The following TOLLIP variants were observed in gnomAD, a reference collection of about 807,000 sequenced individuals.
The protein encoded by TOLLIP is toll-interacting protein.
Under a neutral mutation model 33.5 loss-of-function variants are expected in TOLLIP, and 16 were observed. The ratio of observed to expected loss-of-function variants is 0.48; its 90% confidence interval spans 0.32 to 0.72. The LOEUF (loss-of-function observed/expected upper bound fraction) is 0.72, where lower values mean the gene tolerates loss of function less well. TOLLIP is among the 30% of genes least tolerant of loss of function. The pLI, the probability that TOLLIP is intolerant of heterozygous loss-of-function variation, is 0.03. For synonymous variants in TOLLIP, 176 were observed against 163.7 expected (o/e 1.07, Z -0.57); for missense variants, 325 against 396.6 (o/e 0.82, Z 1.53).
chr11:1,281,604 G>A (rs1019791730), intron 5 of TOLLIP, among the ~76,000 whole-genome samples: 12 of 152,256 alleles, frequency 7.9e-5, no homozygotes, highest in African/African-American at 2.9e-4. Context: ...TGAAGGGGCT[G>A]GCGAGAAGCA....
At chr11:1,301,627 A>G (rs529435647) in intron 1 of TOLLIP, among the ~76,000 whole-genome samples, 1 of 152,170 alleles carries the variant, frequency 6.6e-6, no homozygotes, top group African/African-American at 2.4e-5. Flanking sequence ...TATCACCCCC[A>G]CATTGAGAAC....
Position 1,278,698 on chromosome 11 carries a change from C to T in TOLLIP, c.611-1445G>A, listed in dbSNP as rs1422059777. ...GCCTCTTGTCCTGGCCACTGGACACCTCACCTCACTGGGGAAGCATCATCC... is the reference window on the plus strand; with the variant it reads ...GCCTCTTGTCCTGGCCACTGGACACTTCACCTCACTGGGGAAGCATCATCC... On this transcript the variant is annotated intron_variant, in intron 5 of 5. Transcript: ENST00000317204. The surrounding 1 kb of genome is among the most constrained non-coding windows in gnomAD (Gnocchi z 4.7). Among the ~76,000 whole-genome samples the T allele has an allele frequency of 1.3e-5, 2 of 152,240 alleles. No individual in the cohort carries two copies. The highest frequency in any genetic ancestry group is 1.3e-4 in the Admixed American group (2 of 15,290).
At position 1,283,435 on chromosome 11, in the gene TOLLIP, G is replaced by C. The variant is rs1427110142; in HGVS notation, c.610+2567C>G. On this transcript the variant is annotated intron_variant, in intron 5 of 5. Coordinates refer to ENST00000317204, the MANE Select transcript of TOLLIP (RefSeq NM_019009.4). ...AGCTTCATCTAGATGGCCGTACTGT[G>C]CCAGGGACGCCCCTGCTTATTGGAA... The C allele has an allele frequency of 7.1e-6, 3 of 421,810 alleles. No individual in the cohort carries two copies. In the East Asian group the frequency reaches 2.1e-4, roughly 30 times the overall value. 26.1% of individuals were successfully genotyped at this position (421,810 alleles called of 1,614,324 possible). A position where few individuals can be genotyped will look rare whatever the true frequency, so the allele number is the denominator to read the frequency against.
chr11:1,288,481 C>T (rs1863820347), intron 4 of TOLLIP, 143 bp downstream of exon 4: 4 of 1,037,712 alleles, frequency 3.9e-6, no homozygotes, highest in Admixed American at 5.8e-5. Flanking sequence ...GGGCCCCTGC[C>T]CTCTGTCCTC....
At chr11:1,307,997 C>G (rs1176980850) in intron 1 of TOLLIP, among the ~76,000 whole-genome samples, 1 of 152,206 alleles carries the variant, frequency 6.6e-6, no homozygotes, top group Non-Finnish European at 1.5e-5. Flanking sequence ...TCCACCACGT[C>G]CAGTACTGGG....
At chr11:1,306,951 G>C (rs566100657) in intron 1 of TOLLIP, among the ~76,000 whole-genome samples, 1 of 151,422 alleles carries the variant, frequency 6.6e-6, no homozygotes, top group African/African-American at 2.4e-5. Context: ...ACCCAGCCCT[G>C]GTGAGGCCCA....
At chr11:1,285,886 T>C in intron 5 of TOLLIP, 116 bp downstream of exon 5, 3 of 693,824 alleles carry the variant, frequency 4.3e-6, no homozygotes, top group Middle Eastern at 3.2e-4. Context: ...TACAGGATTC[T>C]AGAATGGATG....
chr11:1,291,475 C>T (rs1863939458), intron 2 of TOLLIP, among the ~76,000 whole-genome samples: 1 of 150,224 alleles, frequency 6.7e-6, no homozygotes, highest in African/African-American at 2.5e-5. Flanking sequence ...GAACGGCCAA[C>T]CTGTCCACAC....
chr11:1,276,397 T>A lies in TOLLIP; in HGVS notation c.*642A>T. Reference sequence around the variant, plus strand: ...AACCGTGCCAGGCCCCCTTCCTCACTCCAGGTGTGGGTTCATTCTGCCTTC... The same window carrying A: ...AACCGTGCCAGGCCCCCTTCCTCACACCAGGTGTGGGTTCATTCTGCCTTC... On this transcript the variant is annotated 3_prime_UTR_variant, in exon 6 of 6. Transcript: ENST00000317204. 1 of 266,568 alleles carries A rather than the reference T, an allele frequency of 3.8e-6. No individual in the cohort carries two copies. The highest frequency in any genetic ancestry group is 7.5e-6 in the Non-Finnish European group (1 of 133,864). 16.5% of individuals were successfully genotyped at this position (266,568 alleles called of 1,614,324 possible).
In TOLLIP at chr11:1,288,724, T is replaced by C; in HGVS notation, c.419A>G (p.Glu140Gly). 6.2e-7 allele frequency: 1 copy of C among 1,612,902 alleles called. No homozygotes were observed. The highest frequency in any genetic ancestry group is 1.7e-5 in the Admixed American group (1 of 59,994). ...RIAWTHITIP[E>G]SLRQGKVEDK... ...CTCCACCTTGCCCTGCCTCAGGGAC[T>C]CCGGGATGGTGATGTGGGTCCAGGC... The change falls in exon 4 of 6, where the codon GAG becomes GGG. Residue 140 changes from glutamate (E) to glycine (G), a missense_variant. Transcript: ENST00000317204.
rs926532016 is a variant in TOLLIP at position 1,285,604 on chromosome 11, C to T, written c.610+398G>A. 2.6e-5 allele frequency among the ~76,000 whole-genome samples: 4 copies of T among 152,140 alleles called. No individual in the cohort carries two copies. In the South Asian group the frequency reaches 6.2e-4, roughly 24 times the overall value. On this transcript the variant is annotated intron_variant, in intron 5 of 5. Coordinates refer to ENST00000317204, the MANE Select transcript of TOLLIP (RefSeq NM_019009.4). ...AGACACAACGGCGCAGCGCAGGGCACGCGTCACCCAATGGGCGTGAGGTTC... is the reference window on the plus strand; with the variant it reads ...AGACACAACGGCGCAGCGCAGGGCATGCGTCACCCAATGGGCGTGAGGTTC...
intron 5 of TOLLIP, among the ~76,000 whole-genome samples, chr11:1,280,325 T>C (rs577598023): frequency 9.9e-5 from 15 of 152,276 alleles, no homozygotes; most frequent in African/African-American, 3.1e-4. Context: ...TGCCACCGCG[T>C]GCACGTTCTC....
At chr11:1,301,505 A>G (rs1305230270) in intron 1 of TOLLIP, among the ~76,000 whole-genome samples, 1 of 151,538 alleles carries the variant, frequency 6.6e-6, no homozygotes, top group Admixed American at 6.6e-5. Flanking sequence ...ACCCAGGGAC[A>G]ATGAAATACT....
At position 1,309,509 on chromosome 11, in the gene TOLLIP, C is replaced by A; in HGVS notation, c.-11G>T. 1 of 1,305,194 alleles carries A rather than the reference C, an allele frequency of 7.7e-7. No homozygotes were observed. Among genetic ancestry groups the A allele is most frequent in the Non-Finnish European group, 9.8e-7 (1 of 1,019,430 alleles). 80.9% of individuals were successfully genotyped at this position (1,305,194 alleles called of 1,614,324 possible). ...GACGGTGGTCGCCATGGTGCTGCGG[C>A]GGCCCCCGTGGCTCGCCGACCCGAC... On this transcript the variant is annotated 5_prime_UTR_variant, in exon 1 of 6. Coordinates refer to ENST00000317204, the MANE Select transcript of TOLLIP (RefSeq NM_019009.4).
chr11:1,283,923 T>G (rs1863590303), intron 5 of TOLLIP, among the ~76,000 whole-genome samples: 1 of 152,236 alleles, frequency 6.6e-6, no homozygotes, highest in Admixed American at 6.5e-5. Flanking sequence ...CTGGAGGGCC[T>G]GGGTCTCTGT....
Position 1,309,534 on chromosome 11 carries a change from C to T in TOLLIP, c.-36G>A. The T allele has an allele frequency of 2.4e-6, 3 of 1,272,052 alleles. No homozygotes were observed. The highest frequency in any genetic ancestry group is 3.0e-6 in the Non-Finnish European group (3 of 998,908). 78.8% of individuals were successfully genotyped at this position (1,272,052 alleles called of 1,614,324 possible). A position where few individuals can be genotyped will look rare whatever the true frequency, so the allele number is the denominator to read the frequency against. ...CGGCCCCCGTGGCTCGCCGACCCGA[C>T]AGTGACGCGCCGGGCGACCTCCTGC... On this transcript the variant is annotated 5_prime_UTR_variant, in exon 1 of 6. Transcript: ENST00000317204.
chr11:1,305,872 C>A (rs1476382663), intron 1 of TOLLIP: 1 of 151,916 alleles, frequency 6.6e-6, no homozygotes, highest in Non-Finnish European at 1.5e-5. Context: ...GCAGCGGAGT[C>A]TCCCGCAAAC....
chr11:1,305,411 A>G (rs4963062), intron 1 of TOLLIP, among the ~76,000 whole-genome samples: 131,677 of 152,162 alleles, frequency 0.87, 57,351 homozygotes, highest in Non-Finnish European at 0.92. Flanking sequence ...GGCTCTTCAC[A>G]ACACTCAGGG....
chr11:1,285,676 G>C (rs1311442013), intron 5 of TOLLIP, among the ~76,000 whole-genome samples: 1 of 151,930 alleles, frequency 6.6e-6, no homozygotes, highest in African/African-American at 2.4e-5. Flanking sequence ...ACAGGGGCGT[G>C]AGGTTCTCCT....
Sources: allele counts gnomAD v4.1 joint callset (sites outside exome capture counted in the v4.1 genomes callset), GRCh38; gene constraint gnomAD v4.1.1; non-coding constraint Gnocchi (gnomAD v3.1); transcripts MANE v1.5; gene names NCBI Gene and HGNC (gene_info 2026-07-23, HGNC 2026-07-21).